Variants in CDKN2D observed in about 807,000 individuals in gnomAD.
CDKN2D encodes the protein cyclin dependent kinase inhibitor 2D.
Under a neutral mutation model 4.7 loss-of-function variants are expected in CDKN2D, and 3 were observed. The observed-to-expected ratio is 0.64, with a 90% CI of 0.29 to 1.66. The LOEUF is 1.66. Ranked by LOEUF, CDKN2D falls within the 40% of genes most tolerant of loss-of-function variation. The probability of loss-of-function intolerance (pLI) is 0.10; values close to 1 mark genes in which losing one functional copy is unlikely to be tolerated. For missense variants in CDKN2D, 196 were observed against 230.9 expected (o/e 0.85, Z 0.98); for synonymous variants, 91 against 102.3 (o/e 0.89, Z 0.67).
rs776615976 is a variant in CDKN2D, at chr19:10,567,035, T to C, written c.*23A>G. ...TGATACATAACCCCACGGGGTTCTC[T>C]TGCTGGAGAGGGTGACCCCAGATCA... On this transcript the variant is annotated 3_prime_UTR_variant, in exon 2 of 2. Transcript: ENST00000393599. The C allele has an allele frequency of 3.3e-5, 52 of 1,572,424 alleles. No homozygotes were observed. Among genetic ancestry groups the C allele is most frequent in the Non-Finnish European group, 4.3e-5 (50 of 1,163,950 alleles).
At position 10,568,704 on chromosome 19, in the gene CDKN2D, G is replaced by C; in HGVS notation, c.-51C>G. 1 of 1,287,282 alleles carries C rather than the reference G, an allele frequency of 7.8e-7. No homozygotes were observed. The highest frequency in any genetic ancestry group is 9.8e-7 in the Non-Finnish European group (1 of 1,015,654). The allele number at this position is 1,287,282 out of a possible 1,614,324, so 79.7% of individuals were successfully genotyped here. A position where few individuals can be genotyped will look rare whatever the true frequency, so the allele number is the denominator to read the frequency against. ...CCCCGCCCCGCCCCAGCCCGGCGCTGTCAGCGCGGAGCAGCCGGCGGGCGC... is the reference window on the plus strand; with the variant it reads ...CCCCGCCCCGCCCCAGCCCGGCGCTCTCAGCGCGGAGCAGCCGGCGGGCGC... On this transcript the variant is annotated 5_prime_UTR_variant, in exon 1 of 2. Transcript: ENST00000393599.
chr19:10,568,265 C>T (rs907028891), intron 1 of CDKN2D, among the ~76,000 whole-genome samples: 1 of 152,186 alleles, frequency 6.6e-6, no homozygotes, highest in Non-Finnish European at 1.5e-5. Context: ...AAAGTGAATC[C>T]CCGGCACTCA....
chr19:10,567,208 C>T lies in CDKN2D; in HGVS notation c.351G>A (p.Glu117=), dbSNP rs948365590. ...GAAAGCTGACCACAGCAGTGTGACC[C>T]TCTTGAACTGCCAGATGGATTGGAA... ...GALPIHLAVQ[E]GHTAVVSFLA... is the part of the protein sequence containing the mutation. The change falls in exon 2 of 2, where the codon GAG becomes GAA. Residue 117 remains glutamate (E), a synonymous_variant. Coordinates refer to ENST00000393599, the MANE Select transcript of CDKN2D (RefSeq NM_001800.4). The T allele has an allele frequency of 1.2e-6, 2 of 1,614,078 alleles. No homozygotes were observed. The highest frequency in any genetic ancestry group is 1.3e-5 in the African/African-American group (1 of 74,924).
chr19:10,567,393 T>C lies in CDKN2D; in HGVS notation c.166A>G (p.Ile56Val). 2.5e-6 allele frequency: 4 copies of C among 1,613,754 alleles called. No homozygotes were observed. Among genetic ancestry groups the C allele is most frequent in the Non-Finnish European group, 3.4e-6 (4 of 1,179,810 alleles). Residue 56 changes from isoleucine to valine, a missense_variant, in exon 2 of 2, where the codon ATC (isoleucine) becomes GTC (valine). Transcript: ENST00000393599. ...LQVMMFGSTAIALELLKQGAS... is the reference protein window; with the variant it reads ...LQVMMFGSTAVALELLKQGAS... ...CCTTGCTTCAGCAGCTCCAGGGCGA[T>C]GGCGGTGCTGCCAAACATCATGACC...
chr19:10,568,259 T>A (rs1916955801), intron 1 of CDKN2D, among the ~76,000 whole-genome samples: 2 of 152,056 alleles, frequency 1.3e-5, no homozygotes, highest in Admixed American at 1.3e-4. Context: ...CCAGGGAAAG[T>A]GAATCCCCGG....
At position 10,567,311 on chromosome 19, in the gene CDKN2D, C is replaced by T. The variant is rs868167883; in HGVS notation, c.248G>A (p.Arg83His). 5 of 1,614,044 alleles carry T rather than the reference C, an allele frequency of 3.1e-6. No homozygotes were observed. The highest frequency in any genetic ancestry group is 1.3e-5 in the African/African-American group (1 of 74,922). ...SGTSPVHDAA[R>H]TGFLDTLKVL... Reference sequence around the variant, plus strand: ...CTTCAGGGTGTCCAGGAATCCAGTGCGGGCTGCGTCATGGACTGGACTGGT... The same window carrying T: ...CTTCAGGGTGTCCAGGAATCCAGTGTGGGCTGCGTCATGGACTGGACTGGT... Residue 83 changes from arginine (R) to histidine (H), a missense_variant, in exon 2 of 2, where the codon CGC (arginine) becomes CAC (histidine). By Grantham distance (29) the Arg-to-His change is conservative (BLOSUM62 0). Transcript: ENST00000393599.
Position 10,567,025 on chromosome 19 carries a change from C to T in CDKN2D, c.*33G>A, listed in dbSNP as rs1916913919. 9 of 1,559,614 alleles carry T rather than the reference C, an allele frequency of 5.8e-6. No homozygotes were observed. The highest frequency in any genetic ancestry group is 1.8e-4 in the Middle Eastern group (1 of 5,470). On this transcript the variant is annotated 3_prime_UTR_variant, in exon 2 of 2. Coordinates refer to ENST00000393599, the MANE Select transcript of CDKN2D (RefSeq NM_001800.4). Reference sequence around the variant, plus strand: ...CCCTCTCTTCTGATACATAACCCCACGGGGTTCTCTTGCTGGAGAGGGTGA... The same window carrying T: ...CCCTCTCTTCTGATACATAACCCCATGGGGTTCTCTTGCTGGAGAGGGTGA...
In CDKN2D at chr19:10,567,175, A is replaced by G. The variant is rs1916919082; in HGVS notation, c.384T>C (p.Ala128=). 1 of 1,614,148 alleles carries G rather than the reference A, an allele frequency of 6.2e-7. No individual in the cohort carries two copies. Among genetic ancestry groups the G allele is most frequent in the East Asian group, 2.2e-5 (1 of 44,882 alleles). The change falls in exon 2 of 2, where the codon GCT becomes GCC. Residue 128 remains alanine (A), a synonymous_variant. Coordinates refer to ENST00000393599, the MANE Select transcript of CDKN2D (RefSeq NM_001800.4). The stretch of plus-strand genomic sequence containing the variant: ...CGTCCCTGCGATGGAGATCAGATTC[A>G]GCTGCCAGAAAGCTGACCACAGCAG... ...GHTAVVSFLA[A]ESDLHRRDAR...
intron 1 of CDKN2D, among the ~76,000 whole-genome samples, 153 bp downstream of exon 1, chr19:10,568,360 A>G (rs577835497): frequency 1.4e-5 from 2 of 148,054 alleles, no homozygotes; most frequent in South Asian, 4.3e-4. Context: ...CCACCTTCGA[A>G]GGGGGACTGT....
In CDKN2D at chr19:10,567,379, C is replaced by T. The variant is rs1207993573; in HGVS notation, c.180G>A (p.Leu60=). 6.2e-7 allele frequency: 1 copy of T among 1,614,070 alleles called. No homozygotes were observed. The change falls in exon 2 of 2, where the codon CTG becomes CTA. Residue 60 remains leucine, a synonymous_variant. Coordinates refer to ENST00000393599, the MANE Select transcript of CDKN2D (RefSeq NM_001800.4). ...MFGSTAIALE[L]LKQGASPNVQ... Reference sequence around the variant, plus strand: ...CATTGGGGCTGGCACCTTGCTTCAGCAGCTCCAGGGCGATGGCGGTGCTGC... The same window carrying T: ...CATTGGGGCTGGCACCTTGCTTCAGTAGCTCCAGGGCGATGGCGGTGCTGC...
chr19:10,567,473 G>T, intron 1 of CDKN2D, 56 bp from the exon 2 acceptor site: 1 of 1,550,866 alleles, frequency 6.4e-7, no homozygotes, highest in Non-Finnish European at 8.7e-7. Flanking sequence ...CCACAAAAGG[G>T]GTCACTGGAA....
chr19:10,568,630 G>T lies in CDKN2D; in HGVS notation c.24C>A (p.Ala8=). The T allele has an allele frequency of 6.6e-7, 1 of 1,508,122 alleles. No homozygotes were observed. The allele number at this position is 1,508,122 out of a possible 1,614,324, so 93.4% of individuals were successfully genotyped here. ...CCGCCGCCCCACTCAGCCGGTCGCC[G>T]GCGCGAACCTCCTCCAGCAGCATGT... is the stretch of plus-strand genomic sequence containing the variant. MLLEEVR[A]GDRLSGAAAR... Residue 8 remains alanine, a synonymous_variant, in exon 1 of 2, where the codon GCC becomes GCA. Transcript: ENST00000393599.
chr19:10,567,538 G>C (rs1219683828), intron 1 of CDKN2D, 121 bp from the exon 2 acceptor site: 3 of 1,159,376 alleles, frequency 2.6e-6, no homozygotes, highest in Non-Finnish European at 3.7e-6. Flanking sequence ...TGCTAGAGGA[G>C]GGGTCCTCTA....
chr19:10,568,813 C>T lies in CDKN2D; in HGVS notation c.-160G>A, dbSNP rs1916977164. On this transcript the variant is annotated 5_prime_UTR_variant, in exon 1 of 2. Transcript: ENST00000393599. ...GTCCCGGCTCCCCAGCCCGAGACCC[C>T]GGCCCTCCCGGCGGGCTCCTCCCCC... The T allele has an allele frequency of 5.0e-6, 2 of 397,118 alleles. No individual in the cohort carries two copies. Among genetic ancestry groups the T allele is most frequent in the Admixed American group, 4.9e-5 (1 of 20,582 alleles). 24.6% of individuals were successfully genotyped at this position (397,118 alleles called of 1,614,324 possible).
chr19:10,568,639 C>T lies in CDKN2D; in HGVS notation c.15G>A (p.Glu5=), dbSNP rs1916970279. Residue 5 remains glutamate, a synonymous_variant, in exon 1 of 2, where the codon GAG becomes GAA. Transcript: ENST00000393599. ...CACTCAGCCGGTCGCCGGCGCGAAC[C>T]TCCTCCAGCAGCATGTCGACACTGG... MLLE[E]VRAGDRLSGA... 1 of 1,504,612 alleles carries T rather than the reference C, an allele frequency of 6.6e-7. No individual in the cohort carries two copies. Among genetic ancestry groups the T allele is most frequent in the Non-Finnish European group, 8.8e-7 (1 of 1,133,368 alleles). The allele number at this position is 1,504,612 out of a possible 1,614,324, so 93.2% of individuals were successfully genotyped here. A position where few individuals can be genotyped will look rare whatever the true frequency, so the allele number is the denominator to read the frequency against.
chr19:10,568,366 A>C, intron 1 of CDKN2D, 147 bp downstream of exon 1: 3 of 690,858 alleles, frequency 4.3e-6, no homozygotes, highest in East Asian at 3.4e-5. Flanking sequence ...TCGAAGGGGG[A>C]CTGTGGGGGA....
chr19:10,566,681 T>G lies in CDKN2D; in HGVS notation c.*377A>C. 6.9e-6 allele frequency: 2 copies of G among 289,754 alleles called. No individual in the cohort carries two copies. Among genetic ancestry groups the G allele is most frequent in the East Asian group, 5.3e-5 (1 of 18,766 alleles). 17.9% of individuals were successfully genotyped at this position (289,754 alleles called of 1,614,324 possible). On this transcript the variant is annotated 3_prime_UTR_variant, in exon 2 of 2. Transcript: ENST00000393599. The stretch of plus-strand genomic sequence containing the variant: ...CCCATGCCTGAAGCAACGTGCACAC[T>G]TCAGGTCTCTGAGCACAGCCGGCCA...
Position 10,568,546 on chromosome 19 carries a change from G to A in CDKN2D, c.108C>T (p.Asp36=), listed in dbSNP as rs1199372332. ...CCGTCTTGCCGAAGCGGTTGAGGGC[G>A]TCGGGATGCACCAGCTCCCGGTGCA... is the stretch of plus-strand genomic sequence containing the variant. The part of the protein sequence containing the change: ...RLLHRELVHP[D]ALNRFGKTAL... Residue 36 remains aspartate (D), a synonymous_variant, in exon 1 of 2, where the codon GAC becomes GAT. Coordinates refer to ENST00000393599, the MANE Select transcript of CDKN2D (RefSeq NM_001800.4). 1 of 1,487,304 alleles carries A rather than the reference G, an allele frequency of 6.7e-7. No individual in the cohort carries two copies. Among genetic ancestry groups the A allele is most frequent in the Non-Finnish European group, 8.9e-7 (1 of 1,118,792 alleles). The allele number at this position is 1,487,304 out of a possible 1,614,324, so 92.1% of individuals were successfully genotyped here. A position where few individuals can be genotyped will look rare whatever the true frequency, so the allele number is the denominator to read the frequency against.
At chr19:10,568,362 G>A in intron 1 of CDKN2D, 151 bp downstream of exon 1, 1 of 687,244 alleles carries the variant, frequency 1.5e-6, no homozygotes, top group Non-Finnish European at 2.0e-6. Context: ...ACCTTCGAAG[G>A]GGGACTGTGG....
Sources: allele counts gnomAD v4.1 joint callset (sites outside exome capture counted in the v4.1 genomes callset), GRCh38; gene constraint gnomAD v4.1.1; transcripts MANE v1.5; gene names NCBI Gene and HGNC (gene_info 2026-07-23, HGNC 2026-07-21).